Variants in HS6ST3 observed in about 807,000 individuals in gnomAD.
HS6ST3 encodes heparan sulfate 6-O-sulfotransferase 3, also known as heparan-sulfate 6-O-sulfotransferase 3.
Under a neutral mutation model 36.7 loss-of-function variants are expected in HS6ST3, and 12 were observed. That is an observed-to-expected ratio of 0.33 (90% CI 0.21 to 0.53). The LOEUF (loss-of-function observed/expected upper bound fraction) is 0.53. HS6ST3 is among the 20% of genes least tolerant of loss of function. The pLI is 0.95. For synonymous variants in HS6ST3, 240 were observed against 257.5 expected, an observed-to-expected ratio of 0.93 and a Z score of 0.65; for missense variants, 584 against 640.9, an observed-to-expected ratio of 0.91 and a Z score of 0.96.
chr13:96,821,982 A>G (rs755332277), intron 1 of HS6ST3, among the ~76,000 whole-genome samples: 18 of 152,200 alleles, frequency 1.2e-4, no homozygotes, highest in Non-Finnish European at 1.9e-4. Flanking sequence ...TTCCTGTCCA[A>G]ATTGGCTGGC....
chr13:96,470,136 CTTG>C (rs1162085236), intron 1 of HS6ST3, among the ~76,000 whole-genome samples: 9 of 152,012 alleles, frequency 5.9e-5, no homozygotes, highest in South Asian at 2.1e-4. Flanking sequence ...CACTTTTTCC[CTTG>C]TTGTTATACC....
intron 1 of HS6ST3, among the ~76,000 whole-genome samples, chr13:96,736,040 G>C (rs1876277141): frequency 6.6e-6 from 1 of 151,982 alleles, no homozygotes; most frequent in East Asian, 1.9e-4. Context: ...ACACACAGAG[G>C]GGAACAGCAC....
At chr13:96,548,381 A>G (rs566469075) in intron 1 of HS6ST3, among the ~76,000 whole-genome samples, 198 of 152,060 alleles carry the variant, frequency 1.3e-3, no homozygotes, top group African/African-American at 4.3e-3. Context: ...CTTCTTTCAC[A>G]CCGTATCTCT....
chr13:96,286,936 G>A (rs928670714), intron 1 of HS6ST3, among the ~76,000 whole-genome samples: 5 of 152,080 alleles, frequency 3.3e-5, no homozygotes, highest in Admixed American at 6.5e-5. Context: ...GTGTGCATGC[G>A]TGTGAGTGTG....
chr13:96,736,209 G>A (rs536299267), intron 1 of HS6ST3, among the ~76,000 whole-genome samples: 6 of 151,956 alleles, frequency 3.9e-5, no homozygotes, highest in South Asian at 2.1e-4. Context: ...CATCCTGCAC[G>A]TGTACCCCTG....
Position 96,353,010 on chromosome 13 carries a change from G to T in HS6ST3, c.707+261441G>T, listed in dbSNP as rs185993373. Among the ~76,000 whole-genome samples, 367 of 150,318 alleles carry T rather than the reference G, an allele frequency of 2.4e-3. 1 individual carries two copies. The highest frequency in any genetic ancestry group is 8.4e-3 in the African/African-American group (345 of 41,000). On this transcript the variant is annotated intron_variant, in intron 1 of 1. Coordinates refer to ENST00000376705, the MANE Select transcript of HS6ST3 (RefSeq NM_153456.4). ...CAGCACAAATCCTTAACTCTAAGTG[G>T]AAAGAGGGTTGAGTGTTTACTAGAG...
chr13:96,446,643 C>T (rs2055700683), intron 1 of HS6ST3, among the ~76,000 whole-genome samples: 1 of 152,118 alleles, frequency 6.6e-6, no homozygotes. Context: ...GCAACTTTGG[C>T]AGTGGAAAAG....
In HS6ST3 at chr13:96,132,121, TACACACACACACACACACACACACAC is replaced by T. The variant is rs60692669; in HGVS notation, c.707+40578_707+40603del. Among the ~76,000 whole-genome samples, 198 of 134,598 alleles carry T rather than the reference TACACACACACACACACACACACACAC, an allele frequency of 1.5e-3. 1 individual carries two copies. The highest frequency in any genetic ancestry group is 5.0e-3 in the African/African-American group (180 of 36,354). The allele number at this position is 134,598 out of a possible 152,430, so 88.3% of individuals were successfully genotyped here. A position where few individuals can be genotyped will look rare whatever the true frequency, so the allele number is the denominator to read the frequency against. ...TTTTTCAGACTGAATAGTATTCCAG[TACACACACACACACACACACACACAC>T]ACACACACACACACACACACACACA... On this transcript the variant is annotated intron_variant, in intron 1 of 1. Coordinates refer to ENST00000376705, the MANE Select transcript of HS6ST3 (RefSeq NM_153456.4).
chr13:96,364,983 A>G (rs1169508789), intron 1 of HS6ST3, among the ~76,000 whole-genome samples: 2 of 152,228 alleles, frequency 1.3e-5, no homozygotes, highest in Admixed American at 6.5e-5. Flanking sequence ...CTAATACAGA[A>G]TTGCCAAGGG....
chr13:96,575,968 G>A (rs2056319134), intron 1 of HS6ST3, among the ~76,000 whole-genome samples: 1 of 152,192 alleles, frequency 6.6e-6, no homozygotes, highest in African/African-American at 2.4e-5. Context: ...CCACGCCAGT[G>A]AACACAATGT....
intron 1 of HS6ST3, among the ~76,000 whole-genome samples, chr13:96,271,855 A>G (rs2054722021): frequency 1.3e-5 from 2 of 151,956 alleles, no homozygotes; most frequent in South Asian, 4.1e-4. Flanking sequence ...CTGACACCAT[A>G]TGGGATGGGC....
At chr13:96,446,291 A>T (rs1055206265) in intron 1 of HS6ST3, among the ~76,000 whole-genome samples, 3 of 151,518 alleles carry the variant, frequency 2.0e-5, no homozygotes, top group Admixed American at 2.0e-4. Flanking sequence ...AGTAAGTTAC[A>T]TTTTTTTTTC....
chr13:96,533,499 C>A lies in HS6ST3; in HGVS notation c.708-298991C>A, dbSNP rs1237537594. ...TGAAATACAGAAGTCTATTGAAAATCTGATTTCCATGCTGCTTTGTCAAAG... is the reference window on the plus strand; with the variant it reads ...TGAAATACAGAAGTCTATTGAAAATATGATTTCCATGCTGCTTTGTCAAAG... On this transcript the variant is annotated intron_variant, in intron 1 of 1. Transcript: ENST00000376705. 3.9e-5 allele frequency among the ~76,000 whole-genome samples: 6 copies of A among 152,204 alleles called. No individual in the cohort carries two copies. In the South Asian group the frequency reaches 6.2e-4, roughly 16 times the overall value.
intron 1 of HS6ST3, among the ~76,000 whole-genome samples, chr13:96,377,816 G>T (rs1162483694): frequency 2.0e-5 from 3 of 152,162 alleles, no homozygotes; most frequent in Non-Finnish European, 4.4e-5. Flanking sequence ...TCCAGGTCGG[G>T]TATATAAAAT....
intron 1 of HS6ST3, among the ~76,000 whole-genome samples, chr13:96,675,788 G>A (rs1252364870): frequency 1.3e-5 from 2 of 152,170 alleles, no homozygotes; most frequent in African/African-American, 2.4e-5. Flanking sequence ...TTGAAGTACT[G>A]ACCTCTCTAG....
At chr13:96,102,172 T>A (rs2053821501) in intron 1 of HS6ST3, among the ~76,000 whole-genome samples, 1 of 152,212 alleles carries the variant, frequency 6.6e-6, no homozygotes, top group African/African-American at 2.4e-5. Flanking sequence ...AATGGATATT[T>A]CTATCTGTAA....
At chr13:96,722,184 G>C (rs949458512) in intron 1 of HS6ST3, among the ~76,000 whole-genome samples, 3 of 152,090 alleles carry the variant, frequency 2.0e-5, no homozygotes, top group African/African-American at 4.8e-5. Flanking sequence ...ATCATCACTT[G>C]AATCTGGGAG....
intron 1 of HS6ST3, among the ~76,000 whole-genome samples, chr13:96,267,452 T>C (rs2054697957): frequency 6.6e-6 from 1 of 152,194 alleles, no homozygotes; most frequent in South Asian, 2.1e-4. Flanking sequence ...ATCTAATAAA[T>C]TTCTGGTTTC....
At chr13:96,471,836 A>G (rs1302261190) in intron 1 of HS6ST3, among the ~76,000 whole-genome samples, 1 of 152,206 alleles carries the variant, frequency 6.6e-6, no homozygotes, top group Non-Finnish European at 1.5e-5. Context: ...CAGAATAAGA[A>G]ACAATACTCC....
Sources: gnomAD v4.1 joint callset for allele counts (sites outside exome capture counted in the v4.1 genomes callset) on GRCh38, gnomAD v4.1.1 for gene constraint, MANE v1.5 for transcripts, NCBI Gene and HGNC (gene_info 2026-07-23, HGNC 2026-07-21) for gene names.